Variants in PHF20L1 observed in about 807,000 individuals in gnomAD.
PHF20L1 encodes the protein PHD finger protein 20-like protein 1.
Under a neutral mutation model 125.5 loss-of-function variants are expected in PHF20L1, and 44 were observed. The ratio of observed to expected loss-of-function variants is 0.35; its 90% confidence interval spans 0.28 to 0.45. The LOEUF (loss-of-function observed/expected upper bound fraction) is 0.45, where lower values mean the gene tolerates loss of function less well. PHF20L1 is among the 20% of genes least tolerant of loss of function. The pLI is 1.00. For synonymous variants in PHF20L1, 380 were observed against 403.1 expected (o/e 0.94, Z 0.69); for missense variants, 1,012 against 1,217.2 (o/e 0.83, Z 2.51).
intron 15 of PHF20L1, among the ~76,000 whole-genome samples, chr8:132,833,063 A>G (rs551287553): frequency 5.9e-5 from 9 of 152,226 alleles, no homozygotes; most frequent in South Asian, 2.1e-4. Flanking sequence ...ATTGTAAGCA[A>G]TAGGCACAGA....
chr8:132,795,104 T>C (rs1832230141), intron 4 of PHF20L1, among the ~76,000 whole-genome samples: 1 of 152,170 alleles, frequency 6.6e-6, no homozygotes, highest in South Asian at 2.1e-4. Context: ...TCTACTTCTC[T>C]GTTTCTAGTT....
chr8:132,790,124 TA>T (rs1831508376), intron 2 of PHF20L1, among the ~76,000 whole-genome samples: 1 of 152,154 alleles, frequency 6.6e-6, no homozygotes, highest in Non-Finnish European at 1.5e-5. Context: ...ACAACAACAT[TA>T]ACACTACAGC....
chr8:132,804,574 A>G (rs914365945), intron 7 of PHF20L1, 41 bp from the exon 8 acceptor site: 6 of 1,511,730 alleles, frequency 4.0e-6, no homozygotes, highest in Middle Eastern at 1.7e-4. Context: ...TTTAATTTGG[A>G]TTCTAGATAA....
chr8:132,798,368 C>T (rs1832663203), intron 4 of PHF20L1, among the ~76,000 whole-genome samples: 2 of 152,022 alleles, frequency 1.3e-5, no homozygotes, highest in South Asian at 4.1e-4. Context: ...CATATCAGCT[C>T]CTTCTCTGTA....
At chr8:132,792,982 T>TC (rs10675499) in intron 2 of PHF20L1, among the ~76,000 whole-genome samples, 1 of 149,518 alleles carries the variant, frequency 6.7e-6, no homozygotes, top group Non-Finnish European at 1.5e-5. Flanking sequence ...TTTTTTTTTT[T>TC]AGTGCCACAC....
intron 8 of PHF20L1, 28 bp downstream of exon 8, chr8:132,804,768 G>A (rs773867701): frequency 1.2e-5 from 19 of 1,559,326 alleles, no homozygotes; most frequent in Non-Finnish European, 1.7e-5. Context: ...TTTTTTTGAG[G>A]GGGGGAAATG....
chr8:132,836,757 G>C (rs376816624), intron 16 of PHF20L1, 36 bp downstream of exon 16: 2 of 1,448,764 alleles, frequency 1.4e-6, no homozygotes, highest in African/African-American at 1.4e-5. Flanking sequence ...TAATGAGTTA[G>C]TTGTTTCAGG....
chr8:132,785,791 A>G (rs1830953037), intron 2 of PHF20L1, among the ~76,000 whole-genome samples: 1 of 152,112 alleles, frequency 6.6e-6, no homozygotes, highest in African/African-American at 2.4e-5. Flanking sequence ...GAGTGTCTTG[A>G]AAGTCTGTTT....
At chr8:132,828,883 G>A (rs928170020) in intron 14 of PHF20L1, among the ~76,000 whole-genome samples, 4 of 152,044 alleles carry the variant, frequency 2.6e-5, no homozygotes, top group Non-Finnish European at 5.9e-5. Flanking sequence ...AGATTCCTTC[G>A]AGGAGCTTGT....
chr8:132,819,082 C>T (rs1835294803), intron 12 of PHF20L1: 1 of 151,910 alleles, frequency 6.6e-6, no homozygotes, highest in African/African-American at 2.4e-5. Flanking sequence ...AGATTATTAA[C>T]TTCCTCTTTT....
At chr8:132,841,010 GCTAA>G (rs982595407) in intron 18 of PHF20L1, among the ~76,000 whole-genome samples, 2 of 152,008 alleles carry the variant, frequency 1.3e-5, no homozygotes, top group Admixed American at 1.3e-4. Flanking sequence ...CCATGTAAGT[GCTAA>G]GACTTAAGGG....
intron 2 of PHF20L1, among the ~76,000 whole-genome samples, chr8:132,784,215 T>C (rs1314674078): frequency 6.6e-6 from 1 of 152,186 alleles, no homozygotes; most frequent in Non-Finnish European, 1.5e-5. Context: ...GTTCTTCCTT[T>C]TTTTATGTTA....
In PHF20L1 at chr8:132,794,390, G is replaced by A; in HGVS notation, c.84-20G>A. The A allele has an allele frequency of 6.7e-7, 1 of 1,499,476 alleles. No individual in the cohort carries two copies. Among genetic ancestry groups the A allele is most frequent in the South Asian group, 1.1e-5 (1 of 88,056 alleles). The allele number at this position is 1,499,476 out of a possible 1,614,324, so 92.9% of individuals were successfully genotyped here. ...AAATATAAGGATTTTCTCTTTATAT[G>A]AAGCATTTTGATTTTTGAGGTATCC... On this transcript the variant is annotated intron_variant, in intron 2 of 20. Coordinates refer to ENST00000395386, the MANE Select transcript of PHF20L1 (RefSeq NM_016018.5).
At chr8:132,821,394 A>C (rs1196980869) in intron 12 of PHF20L1, among the ~76,000 whole-genome samples, 1 of 151,946 alleles carries the variant, frequency 6.6e-6, no homozygotes, top group Non-Finnish European at 1.5e-5. Flanking sequence ...TATGGCAAAA[A>C]AGCATCTTGT....
chr8:132,831,815 G>A (rs984540881), intron 14 of PHF20L1, among the ~76,000 whole-genome samples: 2 of 152,034 alleles, frequency 1.3e-5, no homozygotes, highest in Non-Finnish European at 2.9e-5. Context: ...AGCCCAGCAC[G>A]CATTAGCTGT....
At chr8:132,810,938 C>A in intron 8 of PHF20L1, 108 bp from the exon 9 acceptor site, 1 of 732,652 alleles carries the variant, frequency 1.4e-6, no homozygotes, top group Non-Finnish European at 2.5e-6. Context: ...TTACTTCCTA[C>A]GTATTAAAAA....
At chr8:132,841,771 A>T (rs543606565) in intron 18 of PHF20L1, 7 of 152,266 alleles carry the variant, frequency 4.6e-5, no homozygotes, top group South Asian at 2.1e-4. Context: ...TGTGCATGTT[A>T]TCCAGCAATC....
intron 19 of PHF20L1, 86 bp downstream of exon 19, chr8:132,842,961 A>G: frequency 1.4e-6 from 2 of 1,471,258 alleles, no homozygotes; most frequent in Non-Finnish European, 1.8e-6. Flanking sequence ...CTGAATTCCC[A>G]GATTTTAGTT....
At chr8:132,832,570 T>C (rs1283111807) in intron 15 of PHF20L1, among the ~76,000 whole-genome samples, 171 bp downstream of exon 15, 1 of 152,144 alleles carries the variant, frequency 6.6e-6, no homozygotes, top group Admixed American at 6.6e-5. Flanking sequence ...TAAAGTTAAA[T>C]TGGCTTTATA....
Sources: allele counts gnomAD v4.1 joint callset (sites outside exome capture counted in the v4.1 genomes callset), GRCh38; gene constraint gnomAD v4.1.1; transcripts MANE v1.5; gene names NCBI Gene and HGNC (gene_info 2026-07-23, HGNC 2026-07-21).